Variants in ADCY5 observed in about 807,000 individuals in gnomAD.
ADCY5 encodes the protein adenylate cyclase 5.
Under a neutral mutation model 119.7 loss-of-function variants are expected in ADCY5, and 30 were observed. The observed-to-expected ratio is 0.25, with a 90% CI of 0.19 to 0.34. The LOEUF (loss-of-function observed/expected upper bound fraction) is 0.34. ADCY5 is among the 10% of genes least tolerant of loss of function. The probability of loss-of-function intolerance (pLI) is 1.00; values close to 1 mark genes in which losing one functional copy is unlikely to be tolerated. For synonymous variants in ADCY5, 753 were observed against 762.2 expected (o/e 0.99, Z 0.20); for missense variants, 1,324 against 1,775.2 (o/e 0.75, Z 4.57).
chr3:123,394,273 C>T (rs938449664), intron 1 of ADCY5, among the ~76,000 whole-genome samples: 9 of 152,212 alleles, frequency 5.9e-5, no homozygotes, highest in African/African-American at 2.2e-4. Flanking sequence ...ATTGCCTCCA[C>T]TCCTACCACC....
intron 1 of ADCY5, among the ~76,000 whole-genome samples, chr3:123,401,827 G>A (rs1944762727): frequency 6.6e-6 from 1 of 152,116 alleles, no homozygotes; most frequent in South Asian, 2.1e-4. Flanking sequence ...TAAAAACCCG[G>A]CCTGTCTCAG....
Position 123,283,353 on chromosome 3 carries a change from A to G in ADCY5, c.*1255T>C, listed in dbSNP as rs1450152011. On this transcript the variant is annotated 3_prime_UTR_variant, in exon 21 of 21. Transcript: ENST00000462833. ...GAAATCTCAGGGTGTGGAGGGCACC[A>G]CACTGCCTGTCGCAGGATGAGATTG... 6.6e-6 allele frequency: 1 copy of G among 152,206 alleles called. No individual in the cohort carries two copies. The highest frequency in any genetic ancestry group is 1.9e-4 in the East Asian group (1 of 5,204). The allele number at this position is 152,206 out of a possible 1,614,324, so 9.4% of individuals were successfully genotyped here.
At chr3:123,419,854 T>G (rs751093006) in intron 1 of ADCY5, among the ~76,000 whole-genome samples, 2 of 151,632 alleles carry the variant, frequency 1.3e-5, no homozygotes, top group Non-Finnish European at 2.9e-5. Flanking sequence ...CTCTTCCCAC[T>G]CCGACTCTCA....
At chr3:123,371,149 ACGAAG>A (rs530141647) in intron 1 of ADCY5, among the ~76,000 whole-genome samples, 125 of 152,282 alleles carry the variant, frequency 8.2e-4, no homozygotes, top group Middle Eastern at 3.4e-3. Context: ...TCTCAAGAAG[ACGAAG>A]CATGCTGTGG....
intron 1 of ADCY5, among the ~76,000 whole-genome samples, chr3:123,441,838 T>C (rs1173108750): frequency 6.6e-6 from 1 of 152,170 alleles, no homozygotes; most frequent in Non-Finnish European, 1.5e-5. Flanking sequence ...ACCAAGATCC[T>C]GTGGGCCTTT....
Position 123,291,388 on chromosome 3 carries a change from A to C in ADCY5, c.3064-12T>G. ...TTCTCCTCTGTGGCCTGAGAGAAAA[A>C]GACTGCAAGTCACCCAGATGCCAAT... On this transcript the variant is annotated splice_polypyrimidine_tract_variant and intron_variant, in intron 17 of 20. Transcript: ENST00000462833. 6.2e-7 allele frequency: 1 copy of C among 1,601,006 alleles called. No homozygotes were observed. Among genetic ancestry groups the C allele is most frequent in the South Asian group, 1.1e-5 (1 of 90,364 alleles).
chr3:123,331,109 G>A (rs1421513001), intron 4 of ADCY5, 93 bp from the exon 5 acceptor site: 6 of 1,409,616 alleles, frequency 4.3e-6, no homozygotes, highest in African/African-American at 2.9e-5. Flanking sequence ...CCCCGTGCCT[G>A]GAATAACTTG....
At position 123,448,091 on chromosome 3, in the gene ADCY5, C is replaced by A. The variant is rs1003462457; in HGVS notation, c.455G>T (p.Arg152Leu). The A allele has an allele frequency of 1.7e-6, 2 of 1,201,444 alleles. No individual in the cohort carries two copies. The highest frequency in any genetic ancestry group is 6.1e-5 in the South Asian group (2 of 32,964). 74.4% of individuals were successfully genotyped at this position (1,201,444 alleles called of 1,614,324 possible). A position where few individuals can be genotyped will look rare whatever the true frequency, so the allele number is the denominator to read the frequency against. The change falls in exon 1 of 21, where the codon CGC (arginine) becomes CTC (leucine). Residue 152 changes from arginine to leucine, a missense_variant. This residue lies in a region of ADCY5 where 585 missense variants were observed against 569.9 expected (regional missense o/e 1.03). Transcript: ENST00000462833. ...AAASAGGTEV[R>L]PRSVEVGLEE... The stretch of plus-strand genomic sequence containing the variant: ...CAGACCCACCTCCACCGAGCGAGGG[C>A]GCACCTCCGTCCCGCCCGCCGAGGC...
At chr3:123,324,864 G>A (rs996606751) in intron 8 of ADCY5, among the ~76,000 whole-genome samples, 25 of 152,232 alleles carry the variant, frequency 1.6e-4, no homozygotes, top group African/African-American at 5.5e-4. Flanking sequence ...AAAGCACTAG[G>A]ATAGTTTCTG....
chr3:123,350,904 G>A (rs1168247695), intron 2 of ADCY5, among the ~76,000 whole-genome samples: 1 of 152,182 alleles, frequency 6.6e-6, no homozygotes, highest in Admixed American at 6.5e-5. Context: ...GAGATGCTGA[G>A]GCCTGGAATG....
rs978180355 is a variant in ADCY5 at position 123,282,592 on chromosome 3, G to A, written c.*2016C>T. 3 of 152,388 alleles carry A rather than the reference G, an allele frequency of 2.0e-5. No individual in the cohort carries two copies. The highest frequency in any genetic ancestry group is 7.2e-5 in the African/African-American group (3 of 41,442). The allele number at this position is 152,388 out of a possible 1,614,324, so 9.4% of individuals were successfully genotyped here. A position where few individuals can be genotyped will look rare whatever the true frequency, so the allele number is the denominator to read the frequency against. On this transcript the variant is annotated 3_prime_UTR_variant, in exon 21 of 21. Coordinates refer to ENST00000462833, the MANE Select transcript of ADCY5 (RefSeq NM_183357.3). Reference sequence around the variant, plus strand: ...ACCCAACACCACTGGCGGGCGATGTGGAGGGGCAGGGAACTTGAGAACAAC... The same window carrying A: ...ACCCAACACCACTGGCGGGCGATGTAGAGGGGCAGGGAACTTGAGAACAAC...
chr3:123,412,748 A>G (rs1216793442), intron 1 of ADCY5, among the ~76,000 whole-genome samples: 1 of 152,086 alleles, frequency 6.6e-6, no homozygotes, highest in Non-Finnish European at 1.5e-5. Context: ...TTACCACAAA[A>G]AGACATCTGC....
At chr3:123,444,661 C>T (rs927530069) in intron 1 of ADCY5, among the ~76,000 whole-genome samples, 5 of 152,170 alleles carry the variant, frequency 3.3e-5, no homozygotes, top group African/African-American at 7.2e-5. Context: ...ATAAGAGAGG[C>T]TGAAGAAGAA....
At chr3:123,388,546 C>G (rs553118105) in intron 1 of ADCY5, among the ~76,000 whole-genome samples, 3 of 150,052 alleles carry the variant, frequency 2.0e-5, no homozygotes, top group South Asian at 2.2e-4. Flanking sequence ...TCCGGAGAGG[C>G]TGGGCCAGAG....
chr3:123,337,986 T>TCC (rs1331423781), intron 3 of ADCY5, among the ~76,000 whole-genome samples: 1 of 151,872 alleles, frequency 6.6e-6, no homozygotes, highest in Non-Finnish European at 1.5e-5. Flanking sequence ...CCACGGCCTG[T>TCC]CCCCCAGCAG....
At chr3:123,285,706 C>G (rs1244894486) in intron 20 of ADCY5, among the ~76,000 whole-genome samples, 1 of 152,234 alleles carries the variant, frequency 6.6e-6, no homozygotes, top group Admixed American at 6.5e-5. Flanking sequence ...TCCCTTGCGC[C>G]TGTCCCTGAA....
chr3:123,373,422 T>C (rs1287995670), intron 1 of ADCY5, among the ~76,000 whole-genome samples: 2 of 152,222 alleles, frequency 1.3e-5, no homozygotes, highest in South Asian at 2.1e-4. Context: ...AGAACTCTTC[T>C]TGGAGTCTCC....
intron 1 of ADCY5, among the ~76,000 whole-genome samples, chr3:123,382,662 C>T (rs1368852466): frequency 6.6e-6 from 1 of 152,118 alleles, no homozygotes; most frequent in African/African-American, 2.4e-5. Context: ...GTGAAATAAG[C>T]CAGACACAAA....
chr3:123,383,351 C>T lies in ADCY5; in HGVS notation c.1135-30770G>A, dbSNP rs566393419. On this transcript the variant is annotated intron_variant, in intron 1 of 20. Transcript: ENST00000462833. ...CCCACAGCTGCCCTCCTCGCCTCCT[C>T]GGGAATGTGAAGTACGTCCCTGTGG... Among the ~76,000 whole-genome samples, 6 of 152,310 alleles carry T rather than the reference C, an allele frequency of 3.9e-5. No homozygotes were observed. In the East Asian group the frequency reaches 9.7e-4, roughly 25 times the overall value.
Sources: gnomAD v4.1 joint callset for allele counts (sites outside exome capture counted in the v4.1 genomes callset) on GRCh38, gnomAD v4.1.1 for gene constraint, gnomAD v4.1.1 regional missense constraint, MANE v1.5 for transcripts, NCBI Gene and HGNC (gene_info 2026-07-23, HGNC 2026-07-21) for gene names.